The following PPP1R9A variants were observed in gnomAD, a reference collection of about 807,000 sequenced individuals.
The protein encoded by PPP1R9A is protein phosphatase 1 regulatory subunit 9A.
A neutral mutation model predicts 141.9 loss-of-function variants in PPP1R9A; 59 were observed. The observed-to-expected ratio is 0.42, with a 90% CI of 0.34 to 0.52. The LOEUF (loss-of-function observed/expected upper bound fraction) is 0.52. Among genes scored for constraint, PPP1R9A ranks in the 20% least tolerant of loss-of-function variants. The probability of loss-of-function intolerance (pLI) is 0.10; values close to 1 mark genes in which losing one functional copy is unlikely to be tolerated. For missense variants in PPP1R9A, 1,444 were observed against 1,611.9 expected (o/e 0.90, Z 1.78); for synonymous variants, 500 against 569.7 (o/e 0.88, Z 1.74).
intron 2 of PPP1R9A, among the ~76,000 whole-genome samples, chr7:95,022,120 A>G (rs895489745): frequency 6.6e-6 from 1 of 152,150 alleles, no homozygotes; most frequent in African/African-American, 2.4e-5. Flanking sequence ...AATGTTTTCC[A>G]TTTGTGTGTG....
intron 2 of PPP1R9A, among the ~76,000 whole-genome samples, chr7:94,999,309 C>T (rs1164903785): frequency 6.6e-6 from 1 of 152,084 alleles, no homozygotes; most frequent in Non-Finnish European, 1.5e-5. Context: ...TTTAATTCTT[C>T]CTGAAAGCTG....
At chr7:94,979,863 G>GAAT (rs2151309720) in intron 2 of PPP1R9A, among the ~76,000 whole-genome samples, 1 of 152,276 alleles carries the variant, frequency 6.6e-6, no homozygotes, top group South Asian at 2.1e-4. Flanking sequence ...AAGAGAAAAA[G>GAAT]AATGGTTGAG....
intron 2 of PPP1R9A, among the ~76,000 whole-genome samples, chr7:95,087,784 A>G (rs905966490): frequency 9.2e-5 from 14 of 151,896 alleles, no homozygotes; most frequent in African/African-American, 1.5e-4. Context: ...AATCCCAGCT[A>G]CTCAGGAGGC....
chr7:95,232,028 A>T (rs762986741), intron 8 of PPP1R9A, among the ~76,000 whole-genome samples: 14 of 152,186 alleles, frequency 9.2e-5, no homozygotes, highest in Non-Finnish European at 1.3e-4. Flanking sequence ...GAAGATCCAG[A>T]TAAGCTCAGT....
At chr7:95,272,889 A>T (rs543958973) in intron 14 of PPP1R9A, among the ~76,000 whole-genome samples, 3 of 152,354 alleles carry the variant, frequency 2.0e-5, no homozygotes, top group African/African-American at 7.2e-5. Context: ...AAAAACAGAT[A>T]CCAAAAAAGA....
chr7:95,184,664 A>G (rs1834361209), intron 5 of PPP1R9A, among the ~76,000 whole-genome samples: 1 of 152,078 alleles, frequency 6.6e-6, no homozygotes, highest in Non-Finnish European at 1.5e-5. Context: ...TAACGTTTTT[A>G]TGCCTTTGCA....
rs986547207 is a variant in PPP1R9A, at chr7:95,269,575, C to G, written c.3124+68C>G. ...GTACAGTATAAAAATGACTTTTTCTCATAATCATAAGTCATTTGTTTTCTC... is the reference window on the plus strand; with the variant it reads ...GTACAGTATAAAAATGACTTTTTCTGATAATCATAAGTCATTTGTTTTCTC... On this transcript the variant is annotated intron_variant, in intron 14 of 19. Transcript: ENST00000433360. 8.6e-6 allele frequency: 11 copies of G among 1,275,110 alleles called. No individual in the cohort carries two copies. The African/African-American group carries it at 1.4e-4, about 16-fold the overall frequency. 79.0% of individuals were successfully genotyped at this position (1,275,110 alleles called of 1,614,324 possible).
chr7:95,213,643 A>G (rs1792625024), intron 7 of PPP1R9A, among the ~76,000 whole-genome samples: 1 of 151,994 alleles, frequency 6.6e-6, no homozygotes, highest in South Asian at 2.1e-4. Flanking sequence ...ATTCTGCTTC[A>G]TTTTTAAACC....
chr7:94,949,924 G>GCA (rs1796284024), intron 2 of PPP1R9A, among the ~76,000 whole-genome samples: 1 of 80,604 alleles, frequency 1.2e-5, no homozygotes, highest in Admixed American at 1.2e-4. Context: ...TTTTTTTTTT[G>GCA]AATGGTCACT....
At chr7:95,002,109 C>G (rs1563104036) in intron 2 of PPP1R9A, among the ~76,000 whole-genome samples, 2 of 152,096 alleles carry the variant, frequency 1.3e-5, no homozygotes, top group Admixed American at 6.6e-5. Context: ...TTCAAAATAC[C>G]TTTGTGGGAG....
chr7:95,274,327 T>G (rs1445017223), intron 16 of PPP1R9A, among the ~76,000 whole-genome samples, 159 bp downstream of exon 16: 1 of 152,248 alleles, frequency 6.6e-6, no homozygotes, highest in Non-Finnish European at 1.5e-5. Context: ...TATATTGGTC[T>G]TACTCCAATT....
chr7:95,059,548 C>T (rs1273389452), intron 2 of PPP1R9A, among the ~76,000 whole-genome samples: 1 of 152,178 alleles, frequency 6.6e-6, no homozygotes, highest in African/African-American at 2.4e-5. Flanking sequence ...TAATGTTAAA[C>T]ATATGTCCCA....
chr7:95,288,903 TCCAAATCAAATGGTA>T (rs1376123292), intron 19 of PPP1R9A, among the ~76,000 whole-genome samples, 185 bp downstream of exon 19: 2 of 152,140 alleles, frequency 1.3e-5, no homozygotes, highest in African/African-American at 4.8e-5. Context: ...CATCAGGGGT[TCCAAATCAAATGGTA>T]GGCTGCTGAT....
intron 18 of PPP1R9A, among the ~76,000 whole-genome samples, chr7:95,287,872 G>T (rs1293709414): frequency 6.6e-6 from 1 of 152,106 alleles, no homozygotes; most frequent in Non-Finnish European, 1.5e-5. Context: ...ATTTTTAGTA[G>T]AGAGGGGATT....
At chr7:95,083,819 T>C (rs1470634189) in intron 2 of PPP1R9A, among the ~76,000 whole-genome samples, 2 of 151,826 alleles carry the variant, frequency 1.3e-5, no homozygotes, top group African/African-American at 4.9e-5. Context: ...TGCTGAAAAA[T>C]TGCTGAATTG....
chr7:94,967,118 A>G (rs1798303301), intron 2 of PPP1R9A, among the ~76,000 whole-genome samples: 1 of 152,158 alleles, frequency 6.6e-6, no homozygotes, highest in East Asian at 1.9e-4. Flanking sequence ...TGTTTATAGT[A>G]TTCTCTGATG....
intron 2 of PPP1R9A, among the ~76,000 whole-genome samples, chr7:94,984,294 T>C (rs536483667): frequency 2.6e-5 from 4 of 152,320 alleles, no homozygotes; most frequent in Admixed American, 2.6e-4. Flanking sequence ...AAAATTCTCT[T>C]TTTTTGCTGT....
intron 2 of PPP1R9A, among the ~76,000 whole-genome samples, chr7:94,929,392 G>C (rs937569691): frequency 1.3e-5 from 2 of 152,172 alleles, no homozygotes; most frequent in African/African-American, 4.8e-5. Context: ...ACTCCTGGGA[G>C]AAGCCAAACT....
intron 2 of PPP1R9A, among the ~76,000 whole-genome samples, chr7:95,080,670 C>T (rs1041556096): frequency 9.2e-5 from 14 of 152,112 alleles, no homozygotes; most frequent in East Asian, 1.9e-4. Context: ...GGAGGCATCA[C>T]GCTACCTGAC....
Sources: allele counts gnomAD v4.1 joint callset (sites outside exome capture counted in the v4.1 genomes callset), GRCh38; gene constraint gnomAD v4.1.1; transcripts MANE v1.5; gene names NCBI Gene and HGNC (gene_info 2026-07-23, HGNC 2026-07-21).